Variants in EPCAM observed in about 807,000 individuals in gnomAD.
The protein encoded by EPCAM is epithelial cell adhesion molecule.
A neutral mutation model predicts 40.0 loss-of-function variants in EPCAM; 39 were observed. The observed-to-expected ratio is 0.98, with a 90% confidence interval of 0.76 to 1.27. The LOEUF is 1.27. EPCAM is among the 50% of genes most tolerant of loss of function. The pLI is 0.00. For missense variants in EPCAM, 503 were observed against 381.2 expected (o/e 1.32, Z -2.66); for synonymous variants, 168 against 132.3 (o/e 1.27, Z -1.85).
chr2:47,376,048 TG>T (rs1194782916), intron 4 of EPCAM, among the ~76,000 whole-genome samples: 2 of 152,106 alleles, frequency 1.3e-5, no homozygotes, highest in Admixed American at 1.3e-4. Context: ...TTCCCAATAT[TG>T]TCCTTTGTAG....
chr2:47,377,922 C>T (rs930476349), intron 5 of EPCAM, among the ~76,000 whole-genome samples: 2 of 151,852 alleles, frequency 1.3e-5, no homozygotes, highest in Non-Finnish European at 2.9e-5. Flanking sequence ...AAAGAATGTA[C>T]TTTTTTTACT....
intron 8 of EPCAM, among the ~76,000 whole-genome samples, 176 bp from the exon 9 acceptor site, chr2:47,386,396 A>C (rs1312235401): frequency 6.6e-6 from 1 of 152,154 alleles, no homozygotes; most frequent in Non-Finnish European, 1.5e-5. Flanking sequence ...AAAACACTTA[A>C]ATGTGTGTTT....
intron 4 of EPCAM, 80 bp downstream of exon 4, chr2:47,375,379 T>C: frequency 2.2e-6 from 2 of 904,352 alleles, no homozygotes; most frequent in South Asian, 1.4e-5. Flanking sequence ...AAAAAGCAAG[T>C]CTAAATGCTT....
At chr2:47,383,611 T>TC (rs1671656842) in intron 7 of EPCAM, among the ~76,000 whole-genome samples, 3 of 26,568 alleles carry the variant, frequency 1.1e-4, no homozygotes, top group African/African-American at 6.8e-4. Flanking sequence ...CTTCTTCTTT[T>TC]TTTTTTTTTT....
rs1032509550 is a variant in EPCAM, at chr2:47,369,365, C to G, written c.-141C>G. On this transcript the variant is annotated 5_prime_UTR_variant, in exon 1 of 9. Transcript: ENST00000263735. The stretch of plus-strand genomic sequence containing the variant: ...ACCTTCGACGCGGTCCGGGGACCCC[C>G]TCGTCGCTGTCCTCCCGACGCGGAC... 31 of 1,205,950 alleles carry G rather than the reference C, an allele frequency of 2.6e-5. No individual in the cohort carries two copies. In the African/African-American group the frequency reaches 4.6e-4, roughly 18 times the overall value. The allele number at this position is 1,205,950 out of a possible 1,614,324, so 74.7% of individuals were successfully genotyped here. A position where few individuals can be genotyped will look rare whatever the true frequency, so the allele number is the denominator to read the frequency against.
rs543228706 is a variant in EPCAM, at chr2:47,385,285, CTG to C, written c.903+76_903+77del. On this transcript the variant is annotated intron_variant, in intron 8 of 8. Coordinates refer to ENST00000263735, the MANE Select transcript of EPCAM (RefSeq NM_002354.3). ...CCTAATCACTCTACCTTCCTACACACTGATGCATTTCAGTTATACTGGAGTCC... is the reference window on the plus strand; with the variant it reads ...CCTAATCACTCTACCTTCCTACACACATGCATTTCAGTTATACTGGAGTCC... 6.2e-4 allele frequency: 748 copies of C among 1,198,374 alleles called. 4 individuals are homozygous for C. In the African/African-American group the frequency reaches 9.1e-3, roughly 15 times the overall value. 74.2% of individuals were successfully genotyped at this position (1,198,374 alleles called of 1,614,324 possible). A position where few individuals can be genotyped will look rare whatever the true frequency, so the allele number is the denominator to read the frequency against.
intron 5 of EPCAM, among the ~76,000 whole-genome samples, chr2:47,378,284 A>G (rs1671480540): frequency 1.4e-5 from 2 of 144,286 alleles, no homozygotes; most frequent in African/African-American, 2.6e-5. Flanking sequence ...TTTACCTTGC[A>G]TTTCTTTTTC....
intron 7 of EPCAM, among the ~76,000 whole-genome samples, chr2:47,384,928 AACTCCTGACCTC>A (rs1671700509): frequency 1.3e-5 from 2 of 151,996 alleles, no homozygotes; most frequent in South Asian, 4.2e-4. Flanking sequence ...GCTGGTCTGA[AACTCCTGACCTC>A]AGATGATCTT....
intron 1 of EPCAM, 172 bp downstream of exon 1, chr2:47,369,753 G>C (rs994828166): frequency 3.9e-6 from 3 of 759,700 alleles, no homozygotes; most frequent in Non-Finnish European, 7.0e-6. Flanking sequence ...CCGCGCGGTA[G>C]GAAACGGCGA....
chr2:47,373,043 A>G (rs772004103), intron 1 of EPCAM, among the ~76,000 whole-genome samples: 2 of 151,582 alleles, frequency 1.3e-5, no homozygotes, highest in Non-Finnish European at 2.9e-5. Flanking sequence ...CCGTATCTAC[A>G]AAAAGTTAAA....
At chr2:47,383,876 A>T (rs1260468024) in intron 7 of EPCAM, among the ~76,000 whole-genome samples, 1 of 151,598 alleles carries the variant, frequency 6.6e-6, no homozygotes, top group Non-Finnish European at 1.5e-5. Flanking sequence ...ATGTCAGGTG[A>T]TCTGCTCACT....
chr2:47,383,102 C>G (rs556022087), intron 7 of EPCAM: 1 of 151,506 alleles, frequency 6.6e-6, no homozygotes, highest in Admixed American at 6.6e-5. Flanking sequence ...GTCAGGAGAT[C>G]GAGGCCATCC....
At chr2:47,369,660 C>G in intron 1 of EPCAM, 79 bp downstream of exon 1, 1 of 1,394,584 alleles carries the variant, frequency 7.2e-7, no homozygotes, top group South Asian at 1.2e-5. Context: ...GCCCCCGAAA[C>G]GGGCATAATA....
At chr2:47,382,373 T>C (rs1057124930) in intron 7 of EPCAM, among the ~76,000 whole-genome samples, 1 of 152,188 alleles carries the variant, frequency 6.6e-6, no homozygotes, top group African/African-American at 2.4e-5. Context: ...ACATTGTTAT[T>C]GTATCATAGC....
At chr2:47,372,527 A>G (rs990876410) in intron 1 of EPCAM, among the ~76,000 whole-genome samples, 3 of 152,120 alleles carry the variant, frequency 2.0e-5, no homozygotes, top group Non-Finnish European at 2.9e-5. Flanking sequence ...TAATCCCAGC[A>G]CTTTGGTAGG....
rs776309672 is a variant in EPCAM at position 47,385,161 on chromosome 2, C to T, written c.859-5C>T. The T allele has an allele frequency of 4.3e-6, 7 of 1,610,454 alleles. No individual in the cohort carries two copies. Among genetic ancestry groups the T allele is most frequent in the Non-Finnish European group, 5.9e-6 (7 of 1,176,890 alleles). On this transcript the variant is annotated splice_polypyrimidine_tract_variant and splice_region_variant and intron_variant, in intron 7 of 8. Transcript: ENST00000263735. The stretch of plus-strand genomic sequence containing the variant: ...TAAAACAATAGTTGTCTTTCTTCCA[C>T]TCAGGTTATTTCCAGAAAGAAGAGA...
In EPCAM at chr2:47,373,830, G is replaced by T; in HGVS notation, c.207G>T (p.Met69Ile). ...CAGTGGCTGCCAAATGTTTGGTGATGAAGGCAGAAATGAATGGCTCAAAAC... is the reference window on the plus strand; with the variant it reads ...CAGTGGCTGCCAAATGTTTGGTGATTAAGGCAGAAATGAATGGCTCAAAAC... ...CSKLAAKCLV[M>I]KAEMNGSKLG... The change falls in exon 3 of 9, where the codon ATG (methionine) becomes ATT (isoleucine). Residue 69 changes from methionine to isoleucine, a missense_variant. Transcript: ENST00000263735. 1 of 1,614,064 alleles carries T rather than the reference G, an allele frequency of 6.2e-7. No homozygotes were observed. Among genetic ancestry groups the T allele is most frequent in the Non-Finnish European group, 8.5e-7 (1 of 1,180,028 alleles).
At chr2:47,370,091 G>C (rs1197595441) in intron 1 of EPCAM, among the ~76,000 whole-genome samples, 1 of 152,248 alleles carries the variant, frequency 6.6e-6, no homozygotes, top group Non-Finnish European at 1.5e-5. Flanking sequence ...ACCTGCGCGC[G>C]GCAGGCGGCC....
chr2:47,370,608 T>A (rs765025190), intron 1 of EPCAM, among the ~76,000 whole-genome samples: 8 of 152,098 alleles, frequency 5.3e-5, no homozygotes, highest in Non-Finnish European at 2.9e-5. Context: ...AGCCTTGTTC[T>A]GTCACCCAGG....
Sources: gnomAD v4.1 joint callset for allele counts (sites outside exome capture counted in the v4.1 genomes callset) on GRCh38, gnomAD v4.1.1 for gene constraint, MANE v1.5 for transcripts, NCBI Gene and HGNC (gene_info 2026-07-23, HGNC 2026-07-21) for gene names.